NBAS: variants seen among roughly 807,000 people sequenced by gnomAD.
NBAS encodes the protein NAG/BC035112 fusion.
A neutral mutation model predicts 302.5 loss-of-function variants in NBAS; 219 were observed. The observed-to-expected ratio is 0.72, with a 90% CI of 0.65 to 0.81. NBAS has a LOEUF of 0.81. Ranked by LOEUF, NBAS falls within the 30% of genes least tolerant of loss-of-function variation. The pLI is 0.00. For synonymous variants in NBAS, 1,118 were observed against 1,021.6 expected (o/e 1.09, Z -1.80); for missense variants, 2,932 against 2,841.6 (o/e 1.03, Z -0.72).
Position 15,328,331 on chromosome 2 carries a change from C to T in NBAS, c.4348-19G>A. The stretch of plus-strand genomic sequence containing the variant: ...TTTGCCCCTAAAAAGAAAAAAAGTA[C>T]AGAACAATGGATAAAAAGAAAGAGA... On this transcript the variant is annotated intron_variant, in intron 36 of 51. Transcript: ENST00000281513. 2 of 1,581,004 alleles carry T rather than the reference C, an allele frequency of 1.3e-6. No homozygotes were observed. The highest frequency in any genetic ancestry group is 1.7e-6 in the Non-Finnish European group (2 of 1,150,672).
intron 12 of NBAS, among the ~76,000 whole-genome samples, chr2:15,486,984 A>G (rs1461724494): frequency 1.3e-5 from 2 of 152,186 alleles, no homozygotes; most frequent in Non-Finnish European, 2.9e-5. Context: ...TTTGCTCAGA[A>G]TAGCCTTTAC....
intron 35 of NBAS, among the ~76,000 whole-genome samples, chr2:15,348,703 G>GAA (rs1207223197): frequency 2.9e-5 from 4 of 138,494 alleles, no homozygotes; most frequent in East Asian, 4.2e-4. Context: ...TTCATTTTAG[G>GAA]AAAAAAAAAA....
At chr2:15,015,481 A>G in the NBAS span, among the ~76,000 whole-genome samples, 1 of 152,254 alleles carries the variant, frequency 6.6e-6, no homozygotes, top group Non-Finnish European at 1.5e-5. Flanking sequence ...AGATGGTTCA[A>G]CATATGCAAA....
the NBAS span, among the ~76,000 whole-genome samples, chr2:14,896,563 C>T: frequency 1.3e-5 from 2 of 152,136 alleles, no homozygotes; most frequent in Non-Finnish European, 2.9e-5. Flanking sequence ...CTAAGAAACA[C>T]ACTGCAGAGT....
chr2:15,005,127 A>G, the NBAS span, among the ~76,000 whole-genome samples: 21 of 152,186 alleles, frequency 1.4e-4, no homozygotes, highest in Admixed American at 3.9e-4. Context: ...TTATTTTATC[A>G]TGGTAAGAAT....
chr2:15,473,494 T>C, intron 15 of NBAS, 147 bp from the exon 16 acceptor site: 6 of 1,020,998 alleles, frequency 5.9e-6, no homozygotes, highest in Non-Finnish European at 8.8e-6. Context: ...AGCTCACAGA[T>C]ATTTTGAGGA....
chr2:15,380,029 T>C lies in NBAS; in HGVS notation c.3361-198A>G, dbSNP rs2058867. ...GTTAATTTTACATTATGTGACTTTC[T>C]CCTCAATTAAAAAAAGTCAATCTTT... is the stretch of plus-strand genomic sequence containing the variant. On this transcript the variant is annotated intron_variant, in intron 29 of 51. Coordinates refer to ENST00000281513, the MANE Select transcript of NBAS (RefSeq NM_015909.4). Among the ~76,000 whole-genome samples, 95,094 of 151,914 alleles carry C rather than the reference T, an allele frequency of 0.63. 30,524 individuals are homozygous for C. The highest frequency in any genetic ancestry group is 0.69 in the Middle Eastern group (202 of 294).
At chr2:15,009,633 C>CATAT in the NBAS span, among the ~76,000 whole-genome samples, 1 of 135,294 alleles carries the variant, frequency 7.4e-6, no homozygotes. Flanking sequence ...CACACACACA[C>CATAT]ACACATATAC....
intron 38 of NBAS, among the ~76,000 whole-genome samples, chr2:15,309,886 ACG>A (rs1322509680): frequency 6.6e-6 from 1 of 152,216 alleles, no homozygotes; most frequent in African/African-American, 2.4e-5. Context: ...CATTGTCAAT[ACG>A]GTCTGTGTTT....
the NBAS span, among the ~76,000 whole-genome samples, chr2:14,975,835 A>T: frequency 8.5e-5 from 13 of 152,156 alleles, no homozygotes; most frequent in South Asian, 2.1e-4. Context: ...TAGAAAAAAA[A>T]AAATGACCCA....
chr2:15,052,299 AGTG>A, the NBAS span, among the ~76,000 whole-genome samples: 7 of 152,178 alleles, frequency 4.6e-5, no homozygotes, highest in Admixed American at 4.6e-4. Flanking sequence ...CCTTGACTCT[AGTG>A]GTTTTCAAAC....
intron 11 of NBAS, among the ~76,000 whole-genome samples, chr2:15,499,737 C>T (rs939741368): frequency 6.6e-6 from 1 of 152,036 alleles, no homozygotes; most frequent in Non-Finnish European, 1.5e-5. Flanking sequence ...ATATAACAAA[C>T]CTGCACAGGT....
chr2:15,473,339 A>G lies in NBAS; in HGVS notation c.1608T>C (p.Ser536=). The change falls in exon 16 of 52, where the codon AGT becomes AGC. Residue 536 remains serine (S), a synonymous_variant. Coordinates refer to ENST00000281513, the MANE Select transcript of NBAS (RefSeq NM_015909.4). ...AGGACAAGGCTTCCTCATACTCTTC[A>G]CTTTCAATCTTCAGATAAAAACACG... ...PEELYQRKIE[S]EEYEEALSLA... is the part of the protein sequence containing the mutation. The G allele has an allele frequency of 2.5e-6, 4 of 1,613,826 alleles. No homozygotes were observed. The South Asian group carries it at 4.4e-5, about 18-fold the overall frequency.
chr2:15,529,131 C>T (rs995744268), intron 9 of NBAS, among the ~76,000 whole-genome samples: 8 of 151,914 alleles, frequency 5.3e-5, no homozygotes, highest in Non-Finnish European at 1.2e-4. Flanking sequence ...TGAACACATA[C>T]GCTTTTTAAG....
the NBAS span, among the ~76,000 whole-genome samples, chr2:15,159,577 C>G: frequency 2.1e-5 from 3 of 145,506 alleles, no homozygotes; most frequent in Non-Finnish European, 4.5e-5. Flanking sequence ...TAGTCCAATT[C>G]ATAGAGATGG....
chr2:15,351,975 C>T lies in NBAS; in HGVS notation c.4179+17G>A. 1 of 1,581,466 alleles carries T rather than the reference C, an allele frequency of 6.3e-7. No individual in the cohort carries two copies. Among genetic ancestry groups the T allele is most frequent in the Non-Finnish European group, 8.7e-7 (1 of 1,150,630 alleles). ...TCTCAGCCACCTTTCAAACTCCGCT[C>T]CCTCATTTTAACTTACCTCTTGTAC... On this transcript the variant is annotated intron_variant, in intron 35 of 51. Coordinates refer to ENST00000281513, the MANE Select transcript of NBAS (RefSeq NM_015909.4).
At chr2:15,256,326 A>G (rs988395765) in intron 44 of NBAS, among the ~76,000 whole-genome samples, 2 of 151,968 alleles carry the variant, frequency 1.3e-5, no homozygotes, top group South Asian at 2.1e-4. Flanking sequence ...CAGCTGTTGT[A>G]AAAAAGGTTG....
intron 1 of NBAS, among the ~76,000 whole-genome samples, chr2:15,560,381 AC>A (rs1664854864): frequency 6.6e-6 from 1 of 151,908 alleles, no homozygotes; most frequent in Admixed American, 6.6e-5. Context: ...AACCTCTATA[AC>A]CCTTCTGTAG....
intron 41 of NBAS, 99 bp downstream of exon 41, chr2:15,292,438 T>C (rs929989982): frequency 2.4e-6 from 3 of 1,271,414 alleles, no homozygotes; most frequent in Non-Finnish European, 3.4e-6. Context: ...CAACCATGAA[T>C]GTAAAACTTC....
Sources: gnomAD v4.1 joint callset for allele counts (sites outside exome capture counted in the v4.1 genomes callset) on GRCh38, gnomAD v4.1.1 for gene constraint, MANE v1.5 for transcripts, NCBI Gene and HGNC (gene_info 2026-07-23, HGNC 2026-07-21) for gene names.